PCDHGA11: variants seen among roughly 807,000 people sequenced by gnomAD.
PCDHGA11 encodes the protein protocadherin gamma subfamily A, 11.
In PCDHGA11, 39 loss-of-function variants were observed where a neutral mutation model predicts 60.4. The observed-to-expected ratio is 0.65, with a 90% confidence interval of 0.50 to 0.84. The LOEUF (loss-of-function observed/expected upper bound fraction) is 0.84. Among genes scored for constraint, PCDHGA11 ranks in the 40% least tolerant of loss-of-function variants. The probability of loss-of-function intolerance (pLI) is 0.00; values close to 1 mark genes in which losing one functional copy is unlikely to be tolerated. For missense variants in PCDHGA11, 1,165 were observed against 1,197.7 expected (o/e 0.97, Z 0.40); for synonymous variants, 533 against 510.3 (o/e 1.04, Z -0.60).
rs2096583505 is a variant in PCDHGA11, at chr5:141,421,561, G to T, written c.334G>T (p.Glu112Ter). The T allele has an allele frequency of 6.2e-7, 1 of 1,613,992 alleles. No homozygotes were observed. Among genetic ancestry groups the T allele is most frequent in the Non-Finnish European group, 8.5e-7 (1 of 1,179,874 alleles). ...SCFLNMELLVEDTLKIYGVEV... is the reference protein window; with the variant it reads ...SCFLNMELLV ...TTTTTTAAATATGGAACTTCTCGTG[G>T]AAGACACCTTGAAGATTTACGGAGT... Residue 112 changes from glutamate (E) to a stop codon, truncating the protein, a stop_gained, in exon 1 of 4, where the codon GAA becomes TAA. Coordinates refer to ENST00000398587, the MANE Select transcript of PCDHGA11 (RefSeq NM_018914.3). LOFTEE classifies it high-confidence loss of function.
In PCDHGA11 at chr5:141,423,260, G is replaced by A. The variant is rs1402237346; in HGVS notation, c.2033G>A (p.Ser678Asn). The change falls in exon 1 of 4, where the codon AGC (serine) becomes AAC (asparagine). Residue 678 changes from serine to asparagine, a missense_variant. By Grantham distance (46) the Ser-to-Asn change is conservative. Transcript: ENST00000398587. The part of the protein sequence containing the change: ...SIPEVLADLG[S>N]LESLANSETS... ...CCCGAAGTCCTGGCGGACCTCGGCA[G>A]CCTCGAGTCTCTGGCTAACTCTGAA... 2 of 1,613,996 alleles carry A rather than the reference G, an allele frequency of 1.2e-6. No homozygotes were observed. Among genetic ancestry groups the A allele is most frequent in the South Asian group, 1.1e-5 (1 of 91,084 alleles).
intron 2 of PCDHGA11, among the ~76,000 whole-genome samples, chr5:141,496,903 A>G (rs990378360): frequency 1.1e-4 from 16 of 150,744 alleles, no homozygotes; most frequent in Non-Finnish European, 2.4e-4. Flanking sequence ...AAAAAAAAAA[A>G]GGCTGGGCAC....
chr5:141,436,414 A>G (rs1459862288), intron 1 of PCDHGA11, among the ~76,000 whole-genome samples: 1 of 152,234 alleles, frequency 6.6e-6, no homozygotes, highest in East Asian at 1.9e-4. Flanking sequence ...ATGAATGGAT[A>G]AACAAATAAT....
At position 141,476,326 on chromosome 5, in the gene PCDHGA11, T is replaced by A. The variant is rs752845438; in HGVS notation, c.2434-18481T>A. Reference sequence around the variant, plus strand: ...CAGCCCGCAGGTTCCGGGTGGTGTCTGGAGCTAGCCGAAGATTCTTTGAGG... The same window carrying A: ...CAGCCCGCAGGTTCCGGGTGGTGTCAGGAGCTAGCCGAAGATTCTTTGAGG... On this transcript the variant is annotated intron_variant, in intron 1 of 3. Coordinates refer to ENST00000398587, the MANE Select transcript of PCDHGA11 (RefSeq NM_018914.3). This position sits in a 1 kb window ranked among gnomAD's most constrained non-coding sequence, Gnocchi z 7.6. The A allele has an allele frequency of 6.2e-7, 1 of 1,614,120 alleles. No individual in the cohort carries two copies. Among genetic ancestry groups the A allele is most frequent in the Non-Finnish European group, 8.5e-7 (1 of 1,180,034 alleles).
chr5:141,452,148 T>C (rs1294195346), intron 1 of PCDHGA11, among the ~76,000 whole-genome samples: 1 of 152,228 alleles, frequency 6.6e-6, no homozygotes, highest in Non-Finnish European at 1.5e-5. Flanking sequence ...TTTTTTCCAA[T>C]GAGTTATATT....
Position 141,431,601 on chromosome 5 carries a change from T to G in PCDHGA11, c.2433+7941T>G. 1 of 1,614,202 alleles carries G rather than the reference T, an allele frequency of 6.2e-7. No homozygotes were observed. Among genetic ancestry groups the G allele is most frequent in the Non-Finnish European group, 8.5e-7 (1 of 1,180,032 alleles). On this transcript the variant is annotated intron_variant, in intron 1 of 3. Transcript: ENST00000398587. The surrounding 1 kb of genome is among the most constrained non-coding windows in gnomAD (Gnocchi z 4.8). Reference sequence around the variant, plus strand: ...GTCAATGCGGAAGTGAGGTATTCCTTCCGGTATGTGGACGACAAGGCGGCC... The same window carrying G: ...GTCAATGCGGAAGTGAGGTATTCCTGCCGGTATGTGGACGACAAGGCGGCC...
rs770235234 is a variant in PCDHGA11 at position 141,422,145 on chromosome 5, G to T, written c.918G>T (p.Gly306=). Residue 306 remains glycine (G), a synonymous_variant, in exon 1 of 4, where the codon GGG becomes GGT. Coordinates refer to ENST00000398587, the MANE Select transcript of PCDHGA11 (RefSeq NM_018914.3). Reference sequence around the variant, plus strand: ...AAACTGGAGAAGTTCAAGTACGGGGGTCTCTGGATTTTGAAAAATATAGAT... The same window carrying T: ...AAACTGGAGAAGTTCAAGTACGGGGTTCTCTGGATTTTGAAAAATATAGAT... ...DSQTGEVQVR[G]SLDFEKYRFY... The T allele has an allele frequency of 8.2e-6, 13 of 1,580,608 alleles. No individual in the cohort carries two copies. The African/African-American group carries it at 1.5e-4, about 18-fold the overall frequency.
chr5:141,467,055 C>CTT (rs1193465269), intron 1 of PCDHGA11, among the ~76,000 whole-genome samples: 5 of 134,496 alleles, frequency 3.7e-5, no homozygotes, highest in African/African-American at 5.4e-5. Context: ...TCAATGTTTT[C>CTT]TTTTTTTTTT....
chr5:141,485,434 G>A lies in PCDHGA11; in HGVS notation c.2434-9373G>A. The A allele has an allele frequency of 6.2e-7, 1 of 1,614,166 alleles. No individual in the cohort carries two copies. The highest frequency in any genetic ancestry group is 8.5e-7 in the Non-Finnish European group (1 of 1,180,018). On this transcript the variant is annotated intron_variant, in intron 1 of 3. Coordinates refer to ENST00000398587, the MANE Select transcript of PCDHGA11 (RefSeq NM_018914.3). This position sits in a 1 kb window ranked among gnomAD's most constrained non-coding sequence, Gnocchi z 5.7. ...TGGACAGCGGAGCCCTGCTCATCAA[G>A]AACCCAATCGACCGAGAGGCACTGT...
intron 1 of PCDHGA11, among the ~76,000 whole-genome samples, chr5:141,443,179 A>G (rs2098370392): frequency 6.6e-6 from 1 of 152,190 alleles, no homozygotes; most frequent in South Asian, 2.1e-4. Flanking sequence ...TGTCCACTGC[A>G]TCATTCTCTA....
In PCDHGA11 at chr5:141,421,421, T is replaced by A. The variant is rs982627903; in HGVS notation, c.194T>A (p.Val65Asp). The change falls in exon 1 of 4, where the codon GTC becomes GAC. Residue 65 changes from valine (V) to aspartate (D), a missense_variant. By Grantham distance (152) the Val-to-Asp change is radical (BLOSUM62 -3). Coordinates refer to ENST00000398587, the MANE Select transcript of PCDHGA11 (RefSeq NM_018914.3). ...CCCCGGGAGCTGGCGAAGCGCGGAG[T>A]CCGCATCGTCTCCAGAGGGAAGACA... ...LEPRELAKRG[V>D]RIVSRGKTQL... 1 of 1,613,876 alleles carries A rather than the reference T, an allele frequency of 6.2e-7. No homozygotes were observed. Among genetic ancestry groups the A allele is most frequent in the Non-Finnish European group, 8.5e-7 (1 of 1,179,916 alleles).
chr5:141,463,086 GC>G (rs1171354311), intron 1 of PCDHGA11, among the ~76,000 whole-genome samples: 1 of 152,098 alleles, frequency 6.6e-6, no homozygotes, highest in African/African-American at 2.4e-5. Context: ...ACATTTTCCA[GC>G]CCTATGTGAC....
At chr5:141,439,524 A>T (rs774174912) in intron 1 of PCDHGA11, among the ~76,000 whole-genome samples, 2 of 152,114 alleles carry the variant, frequency 1.3e-5, no homozygotes, top group Admixed American at 6.5e-5. Flanking sequence ...AACTAACTCT[A>T]CAGAACGCTG....
At chr5:141,445,538 G>A (rs1188324168) in intron 1 of PCDHGA11, among the ~76,000 whole-genome samples, 1 of 152,168 alleles carries the variant, frequency 6.6e-6, no homozygotes, top group African/African-American at 2.4e-5. Flanking sequence ...AGCCAACAAG[G>A]AGAAATACAA....
chr5:141,459,989 A>G (rs2098979714), intron 1 of PCDHGA11, among the ~76,000 whole-genome samples: 1 of 152,204 alleles, frequency 6.6e-6, no homozygotes, highest in Non-Finnish European at 1.5e-5. Flanking sequence ...GAGACAGGAG[A>G]ATCGCTTGAA....
chr5:141,423,659 A>C lies in PCDHGA11; in HGVS notation c.2432A>C (p.Gln811Pro), dbSNP rs369390148. ...ILGKCDPTSN[Q>P]QAPPNTDWRF... ...GGCAAATGTGACCCGACAAGTAATC[A>C]GGTGAGATTTATTTCTCTGCCTCCT... The change falls in exon 1 of 4, where the codon CAG becomes CCG. Residue 811 changes from glutamine (Q) to proline (P), a missense_variant and splice_region_variant. By Grantham distance (76) the Gln-to-Pro change is moderately conservative. Coordinates refer to ENST00000398587, the MANE Select transcript of PCDHGA11 (RefSeq NM_018914.3). 6.4e-7 allele frequency: 1 copy of C among 1,551,038 alleles called. No individual in the cohort carries two copies. The highest frequency in any genetic ancestry group is 1.4e-5 in the African/African-American group (1 of 70,690).
intron 1 of PCDHGA11, among the ~76,000 whole-genome samples, chr5:141,438,517 T>G (rs975190211): frequency 6.7e-6 from 1 of 148,384 alleles, no homozygotes; most frequent in Non-Finnish European, 1.5e-5. Context: ...AAACCAATTA[T>G]TTTACATGGA....
chr5:141,422,258 A>G lies in PCDHGA11; in HGVS notation c.1031A>G (p.Asn344Ser), dbSNP rs2096637047. The G allele has an allele frequency of 6.4e-7, 1 of 1,565,282 alleles. No homozygotes were observed. Among genetic ancestry groups the G allele is most frequent in the East Asian group, 2.2e-5 (1 of 44,666 alleles). The stretch of plus-strand genomic sequence containing the variant: ...ATCACTGTTGTGGATGTGAATGATA[A>G]CGCTCCAGAAATAACTATCACCTCT... ...MLITVVDVND[N>S]APEITITSSI... The change falls in exon 1 of 4, where the codon AAC (asparagine) becomes AGC (serine). Residue 344 changes from asparagine (N) to serine (S), a missense_variant. Physicochemically the swap from Asn to Ser is conservative, Grantham distance 46. Transcript: ENST00000398587.
At position 141,432,297 on chromosome 5, in the gene PCDHGA11, T is replaced by C. The variant is rs1339659774; in HGVS notation, c.2433+8637T>C. 3.1e-6 allele frequency: 5 copies of C among 1,614,040 alleles called. No individual in the cohort carries two copies. The highest frequency in any genetic ancestry group is 1.7e-5 in the Admixed American group (1 of 60,006). ...GTGTCCATCAACTCCGACACTGGGG[T>C]ACTGTATGCGCTGAGCTCCTTCGAC... On this transcript the variant is annotated intron_variant, in intron 1 of 3. Transcript: ENST00000398587. This position sits in a 1 kb window ranked among gnomAD's most constrained non-coding sequence, Gnocchi z 6.0.
Sources: allele counts gnomAD v4.1 joint callset (sites outside exome capture counted in the v4.1 genomes callset), GRCh38; gene constraint gnomAD v4.1.1; non-coding constraint Gnocchi (gnomAD v3.1); transcripts MANE v1.5; gene names NCBI Gene and HGNC (gene_info 2026-07-23, HGNC 2026-07-21).